TCOF1: variants seen among roughly 807,000 people sequenced by gnomAD.
TCOF1 encodes the protein treacle ribosome biogenesis factor 1.
TCOF1 carries 33 observed loss-of-function variants against 149.0 expected under a neutral mutation model. That is an observed-to-expected ratio of 0.22 (90% CI 0.17 to 0.30). The LOEUF (loss-of-function observed/expected upper bound fraction) is 0.30, where lower values mean the gene tolerates loss of function less well. Among genes scored for constraint, TCOF1 ranks in the 10% least tolerant of loss-of-function variants. The pLI is 1.00. For synonymous variants in TCOF1, 789 were observed against 738.8 expected (o/e 1.07, Z -1.10); for missense variants, 1,728 against 1,840.7 (o/e 0.94, Z 1.12).
At chr5:150,383,184 C>T in intron 17 of TCOF1, 1 of 1,532,724 alleles carries the variant, frequency 6.5e-7, no homozygotes, top group Non-Finnish European at 8.7e-7. Flanking sequence ...TGCGCCATGC[C>T]TTCTCTCTGC....
rs1050360479 is a variant in TCOF1, at chr5:150,368,156, G to T, written c.378+239G>T. On this transcript the variant is annotated intron_variant, in intron 4 of 26. Transcript: ENST00000643257. ...GGGCCACTGGGCACATTCTACACCT[G>T]GGGTAGGCGATTTCTTTCCTCTTTC... 4 of 520,326 alleles carry T rather than the reference G, an allele frequency of 7.7e-6. No homozygotes were observed. The East Asian group carries it at 1.4e-4, about 18-fold the overall frequency. 32.2% of individuals were successfully genotyped at this position (520,326 alleles called of 1,614,324 possible).
chr5:150,365,567 A>G (rs899010578), intron 3 of TCOF1, among the ~76,000 whole-genome samples: 4 of 152,138 alleles, frequency 2.6e-5, no homozygotes, highest in African/African-American at 7.2e-5. Context: ...TCATTCAAAC[A>G]TGTATTCTTA....
At chr5:150,381,808 G>A (rs750005243) in intron 17 of TCOF1, among the ~76,000 whole-genome samples, 1 of 152,214 alleles carries the variant, frequency 6.6e-6, no homozygotes, top group African/African-American at 2.4e-5. Flanking sequence ...CTGAAAAGCT[G>A]GTTCCTTTAG....
intron 5 of TCOF1, 63 bp from the exon 6 acceptor site, chr5:150,369,465 GC>G (rs1762059713): frequency 6.3e-7 from 1 of 1,592,038 alleles, no homozygotes; most frequent in African/African-American, 1.3e-5. Flanking sequence ...GTGGGGAGGT[GC>G]TGGGGAGGGG....
intron 17 of TCOF1, chr5:150,383,914 A>C: frequency 1.1e-5 from 16 of 1,515,266 alleles, no homozygotes. Context: ...GGCCCAAGTC[A>C]GCCATGCTGG....
chr5:150,383,865 G>A lies in TCOF1; in HGVS notation c.2860-4037G>A, dbSNP rs1258998315. Reference sequence around the variant, plus strand: ...AGTCCTGCTCAGGCTACACCTCCAAGGGTGGGACCAGGCCCACCTTATCTT... The same window carrying A: ...AGTCCTGCTCAGGCTACACCTCCAAAGGTGGGACCAGGCCCACCTTATCTT... On this transcript the variant is annotated intron_variant, in intron 17 of 26. Coordinates refer to ENST00000643257, the MANE Select transcript of TCOF1 (RefSeq NM_001371623.1). The A allele has an allele frequency of 3.2e-6, 5 of 1,548,356 alleles. 1 individual carries two copies. In the South Asian group the frequency reaches 3.6e-5, roughly 11 times the overall value.
chr5:150,378,944 C>G lies in TCOF1; in HGVS notation c.2380C>G (p.Pro794Ala). The change falls in exon 15 of 27, where the codon CCA (proline) becomes GCA (alanine). Residue 794 changes from proline to alanine, a missense_variant. This residue lies in a region of TCOF1 where 1,696 missense variants were observed against 1,765.4 expected (regional missense o/e 0.96). Transcript: ENST00000643257. The part of the protein sequence containing the change: ...SVKKTQAKAN[P>A]AAARAPSAKG... The stretch of plus-strand genomic sequence containing the variant: ...AAAGAAAACCCAGGCCAAAGCCAAC[C>G]CAGCTGCCGCCAGAGCACCTTCAGC... 1 of 1,614,126 alleles carries G rather than the reference C, an allele frequency of 6.2e-7. No individual in the cohort carries two copies. Among genetic ancestry groups the G allele is most frequent in the Non-Finnish European group, 8.5e-7 (1 of 1,180,042 alleles).
chr5:150,398,125 T>C (rs1768958047), intron 24 of TCOF1, among the ~76,000 whole-genome samples: 1 of 152,156 alleles, frequency 6.6e-6, no homozygotes, highest in African/African-American at 2.4e-5. Context: ...TCTCACTATG[T>C]TGCCCAAGCT....
intron 14 of TCOF1, among the ~76,000 whole-genome samples, chr5:150,377,411 C>G (rs914398427): frequency 4.8e-4 from 73 of 152,312 alleles, no homozygotes; most frequent in African/African-American, 1.7e-3. Flanking sequence ...GACGATGGGC[C>G]AGGCTAATGT....
intron 7 of TCOF1, 109 bp downstream of exon 7, chr5:150,372,345 T>C (rs1382524429): frequency 2.1e-6 from 2 of 970,770 alleles, no homozygotes; most frequent in Non-Finnish European, 3.1e-6. Context: ...GGGAGGACTA[T>C]GGTGTGAAGT....
intron 23 of TCOF1, among the ~76,000 whole-genome samples, chr5:150,396,069 G>A (rs1208447062): frequency 6.6e-6 from 1 of 152,152 alleles, no homozygotes; most frequent in Non-Finnish European, 1.5e-5. Context: ...GGGAAAAGCT[G>A]TAAGTTAGAA....
At position 150,393,334 on chromosome 5, in the gene TCOF1, G is replaced by A. The variant is rs374937664; in HGVS notation, c.3604-38G>A. 11 of 1,612,692 alleles carry A rather than the reference G, an allele frequency of 6.8e-6. No homozygotes were observed. The African/African-American group carries it at 1.5e-4, about 22-fold the overall frequency. The stretch of plus-strand genomic sequence containing the variant: ...TCGGGCTGGGTTATGGCAGTGGGGT[G>A]GGGTGGTGGCAGCCTCTTTCACAAT... On this transcript the variant is annotated intron_variant, in intron 22 of 26. Transcript: ENST00000643257.
intron 15 of TCOF1, 67 bp from the exon 16 acceptor site, chr5:150,379,162 A>C: frequency 6.2e-7 from 1 of 1,614,080 alleles, no homozygotes; most frequent in African/African-American, 1.3e-5. Flanking sequence ...GAGTTGTGCC[A>C]TAGTGGGGAG....
At position 150,374,944 on chromosome 5, in the gene TCOF1, C is replaced by T. The variant is rs773894584; in HGVS notation, c.1279-10C>T. On this transcript the variant is annotated splice_polypyrimidine_tract_variant and intron_variant, in intron 9 of 26. Coordinates refer to ENST00000643257, the MANE Select transcript of TCOF1 (RefSeq NM_001371623.1). ...TCTGGGCTCTCCCCTCATCCTGTTT[C>T]TCACTCCAGGCGAAGCCTTCAGGGA... 6 of 1,613,112 alleles carry T rather than the reference C, an allele frequency of 3.7e-6. No homozygotes were observed. Among genetic ancestry groups the T allele is most frequent in the Non-Finnish European group, 5.1e-6 (6 of 1,179,828 alleles).
rs781752461 is a variant in TCOF1 at position 150,390,010 on chromosome 5, G to A, written c.3170G>A (p.Gly1057Glu). The A allele has an allele frequency of 1.2e-6, 2 of 1,609,302 alleles. No homozygotes were observed. The highest frequency in any genetic ancestry group is 1.7e-6 in the Non-Finnish European group (2 of 1,178,238). ...ATATCAGATGGCAAGAAACAGGAGGGACCAGCCACTCAGGTACCTGGTGGG... is the reference window on the plus strand; with the variant it reads ...ATATCAGATGGCAAGAAACAGGAGGAACCAGCCACTCAGGTACCTGGTGGG... ...SRISDGKKQEGPATQVSKKNP... is the reference protein window; with the variant it reads ...SRISDGKKQEEPATQVSKKNP... The change falls in exon 19 of 27, where the codon GGA (glycine) becomes GAA (glutamate). Residue 1057 changes from glycine to glutamate, a missense_variant. Gly to Glu is a moderately conservative substitution (Grantham distance 98). Around this residue, in one of 2 missense-constraint regions of TCOF1, gnomAD observed 1,696 missense variants for 1,765.4 expected, o/e 0.96. Transcript: ENST00000643257.
chr5:150,373,471 G>A (rs140636448), intron 7 of TCOF1, among the ~76,000 whole-genome samples: 2 of 152,330 alleles, frequency 1.3e-5, no homozygotes, highest in African/African-American at 4.8e-5. Flanking sequence ...GAAGATCAGA[G>A]CTGCTGTTTT....
Position 150,391,579 on chromosome 5 carries a change from C to G in TCOF1, c.3219C>G (p.Thr1073=), listed in dbSNP as rs757462799. The G allele has an allele frequency of 1.6e-5, 26 of 1,614,046 alleles. No homozygotes were observed. In the South Asian group the frequency reaches 2.6e-4, roughly 16 times the overall value. The change falls in exon 20 of 27, where the codon ACC becomes ACG. Residue 1073 remains threonine, a synonymous_variant. Transcript: ENST00000643257. The part of the protein sequence containing the change: ...SKKNPASLPL[T]QAALKVLAQK... ...AGAACCCAGCTTCCCTCCCACTGACCCAGGCTGCCCTGAAGGTCCTCGCCC... is the reference window on the plus strand; with the variant it reads ...AGAACCCAGCTTCCCTCCCACTGACGCAGGCTGCCCTGAAGGTCCTCGCCC...
chr5:150,399,265 C>T (rs186467150), intron 26 of TCOF1, among the ~76,000 whole-genome samples, 195 bp downstream of exon 26: 72 of 152,324 alleles, frequency 4.7e-4, no homozygotes, highest in Non-Finnish European at 8.7e-4. Flanking sequence ...TCAGAAGGAT[C>T]CAGAACAGTA....
chr5:150,384,069 G>A (rs1765778613), intron 17 of TCOF1: 1 of 1,308,642 alleles, frequency 7.6e-7, no homozygotes, highest in Non-Finnish European at 9.7e-7. Flanking sequence ...CACAGATCCT[G>A]GAGTTCTGCA....
Sources: gnomAD v4.1 joint callset for allele counts (sites outside exome capture counted in the v4.1 genomes callset) on GRCh38, gnomAD v4.1.1 for gene constraint, gnomAD v4.1.1 regional missense constraint, MANE v1.5 for transcripts, NCBI Gene and HGNC (gene_info 2026-07-23, HGNC 2026-07-21) for gene names.